GALK2: variants seen among roughly 807,000 people sequenced by gnomAD.
GALK2 encodes the protein galactokinase 2, also known as N-acetylgalactosamine kinase.
In GALK2, 36 loss-of-function variants were observed where a neutral mutation model predicts 52.4. That is an observed-to-expected ratio of 0.69 (90% CI 0.53 to 0.91). The LOEUF is 0.91. GALK2 is among the 40% of genes least tolerant of loss of function. The pLI, the probability that GALK2 is intolerant of heterozygous loss-of-function variation, is 0.00. For synonymous variants in GALK2, 176 were observed against 199.1 expected (o/e 0.88, Z 0.98); for missense variants, 579 against 559.1 (o/e 1.04, Z -0.36).
At chr15:49,324,635 G>A (rs569597828) in intron 9 of GALK2, among the ~76,000 whole-genome samples, 3 of 152,064 alleles carry the variant, frequency 2.0e-5, no homozygotes, top group Non-Finnish European at 4.4e-5. Flanking sequence ...TTGAAGGCAC[G>A]GTGTCTAACC....
chr15:49,331,809 GT>G lies in GALK2; in HGVS notation c.*3653del. ...TTATGTAGGAACTTCTCAAAGTCCTGTTTCACTTCATGAGGTTTCTTGGTAG... is the reference window on the plus strand; with the variant it reads ...TTATGTAGGAACTTCTCAAAGTCCTGTTCACTTCATGAGGTTTCTTGGTAG... On this transcript the variant is annotated 3_prime_UTR_variant, in exon 10 of 10. Transcript: ENST00000560031. 6.2e-7 allele frequency: 1 copy of G among 1,611,132 alleles called. No individual in the cohort carries two copies. The highest frequency in any genetic ancestry group is 8.5e-7 in the Non-Finnish European group (1 of 1,177,396).
At chr15:49,269,651 C>G (rs1336497951) in intron 5 of GALK2, among the ~76,000 whole-genome samples, 1 of 152,146 alleles carries the variant, frequency 6.6e-6, no homozygotes, top group Non-Finnish European at 1.5e-5. Flanking sequence ...AGTTAAGACG[C>G]TGCTGTCTCT....
At chr15:49,365,503 C>T in intron 3 of GALK2, 8 of 860,038 alleles carry the variant, frequency 9.3e-6, no homozygotes, top group Non-Finnish European at 1.6e-5. Flanking sequence ...TACTGAGAAA[C>T]AGATCAGCTT....
intron 8 of GALK2, among the ~76,000 whole-genome samples, chr15:49,313,490 C>T (rs1426413598): frequency 6.6e-6 from 1 of 152,222 alleles, no homozygotes; most frequent in East Asian, 1.9e-4. Flanking sequence ...TCAGGCCCCT[C>T]TCCTGTGACA....
chr15:49,220,620 A>G (rs180753006), intron 3 of GALK2, among the ~76,000 whole-genome samples: 2 of 152,270 alleles, frequency 1.3e-5, no homozygotes, highest in African/African-American at 2.4e-5. Context: ...GCTGGATCAT[A>G]TGGTAGTTGT....
In GALK2 at chr15:49,322,963, A is replaced by AAAAAAAAAAAAAAG. The variant is rs1215969375; in HGVS notation, c.1169+3174_1169+3187dup. Among the ~76,000 whole-genome samples the AAAAAAAAAAAAAAG allele has an allele frequency of 6.0e-5, 9 of 150,208 alleles. No homozygotes were observed. In the East Asian group the frequency reaches 1.4e-3, roughly 23 times the overall value. On this transcript the variant is annotated intron_variant, in intron 9 of 9. Transcript: ENST00000560031. ...CAGAGCAAGACTCCATCTCAGGTAA[A>AAAAAAAAAAAAAAG]AAAAAAAAAAAAAGAAAAAAAAAAA...
chr15:49,213,292 G>A (rs547693042), intron 2 of GALK2, among the ~76,000 whole-genome samples: 6 of 152,058 alleles, frequency 3.9e-5, no homozygotes, highest in South Asian at 2.1e-4. Context: ...GTTTATTTAT[G>A]CATAACTACT....
intron 8 of GALK2, among the ~76,000 whole-genome samples, chr15:49,306,636 C>T (rs1004715501): frequency 2.6e-5 from 4 of 152,018 alleles, no homozygotes; most frequent in Non-Finnish European, 5.9e-5. Flanking sequence ...GTAAAAATAC[C>T]AGGCCAGGCC....
intron 8 of GALK2, among the ~76,000 whole-genome samples, chr15:49,311,437 C>A (rs141986770): frequency 6.6e-6 from 1 of 152,278 alleles, no homozygotes; most frequent in East Asian, 1.9e-4. Context: ...TTCTCTGTTG[C>A]TTCTATTTCT....
At position 49,306,548 on chromosome 15, in the gene GALK2, C is replaced by G. The variant is rs565996427; in HGVS notation, c.968-13056C>G. ...ATTTTTCTTTTGCCTCTCTTTCACC[C>G]CTTTTTATTCCCTTATGTATTTTTC... On this transcript the variant is annotated intron_variant, in intron 8 of 9. Coordinates refer to ENST00000560031, the MANE Select transcript of GALK2 (RefSeq NM_002044.4). 5.3e-5 allele frequency among the ~76,000 whole-genome samples: 8 copies of G among 152,218 alleles called. No individual in the cohort carries two copies. The South Asian group carries it at 1.2e-3, about 24-fold the overall frequency.
At chr15:49,275,652 A>G (rs2031534622) in intron 5 of GALK2, among the ~76,000 whole-genome samples, 1 of 152,202 alleles carries the variant, frequency 6.6e-6, no homozygotes, top group South Asian at 2.1e-4. Flanking sequence ...TCAGCTTTTA[A>G]CAATCTCATT....
At chr15:49,164,335 A>C (rs1253925470) in intron 1 of GALK2, among the ~76,000 whole-genome samples, 1 of 135,806 alleles carries the variant, frequency 7.4e-6, no homozygotes, top group East Asian at 2.1e-4. Context: ...GAGCATTAGC[A>C]AATGTATTCC....
At chr15:49,179,025 G>A (rs530537846) in intron 1 of GALK2, among the ~76,000 whole-genome samples, 5 of 151,598 alleles carry the variant, frequency 3.3e-5, no homozygotes, top group African/African-American at 7.3e-5. Context: ...TCATAACCTC[G>A]TTTTCTAAGA....
At chr15:49,275,729 GT>G (rs1294762299) in intron 5 of GALK2, among the ~76,000 whole-genome samples, 1 of 151,994 alleles carries the variant, frequency 6.6e-6, no homozygotes, top group Admixed American at 6.5e-5. Context: ...TATTATTATT[GT>G]TTTTTTGTGG....
chr15:49,260,417 G>C (rs1369017622), intron 5 of GALK2, among the ~76,000 whole-genome samples: 1 of 148,760 alleles, frequency 6.7e-6, no homozygotes, highest in Middle Eastern at 3.2e-3. Context: ...GGGGTTGTTT[G>C]TTTTTTTCTT....
chr15:49,190,071 T>C (rs2141255777), intron 1 of GALK2, among the ~76,000 whole-genome samples: 1 of 152,340 alleles, frequency 6.6e-6, no homozygotes, highest in South Asian at 2.1e-4. Context: ...AGCTATTTTA[T>C]AGAATATTCC....
chr15:49,358,668 T>G (rs1381391308), intron 3 of GALK2, among the ~76,000 whole-genome samples: 2 of 150,212 alleles, frequency 1.3e-5, no homozygotes, highest in Non-Finnish European at 3.0e-5. Context: ...CAGCCCAAGG[T>G]AATTTACAGA....
Position 49,292,451 on chromosome 15 carries a change from C to G in GALK2, c.881C>G (p.Pro294Arg), listed in dbSNP as rs1166200084. ...LVTEDALHPE[P>R]YNPEEICRCL... ...ACAGAAGATGCCCTTCATCCTGAAC[C>G]CTATAACCCTGAGGAGATCTGCAGG... Residue 294 changes from proline to arginine, a missense_variant, in exon 8 of 10, where the codon CCC becomes CGC. Pro to Arg is a moderately radical substitution (Grantham distance 103). Transcript: ENST00000560031. 1.2e-6 allele frequency: 2 copies of G among 1,613,962 alleles called. No homozygotes were observed. Among genetic ancestry groups the G allele is most frequent in the Non-Finnish European group, 1.7e-6 (2 of 1,179,966 alleles).
chr15:49,264,389 C>T (rs1200782550), intron 5 of GALK2, among the ~76,000 whole-genome samples: 13 of 152,150 alleles, frequency 8.5e-5, no homozygotes, highest in Admixed American at 5.9e-4. Flanking sequence ...GCATTCTTCA[C>T]GTAGTTCTCG....
Sources: allele counts gnomAD v4.1 joint callset (sites outside exome capture counted in the v4.1 genomes callset), GRCh38; gene constraint gnomAD v4.1.1; transcripts MANE v1.5; gene names NCBI Gene and HGNC (gene_info 2026-07-23, HGNC 2026-07-21).